The following SASH1 variants were observed in gnomAD, a reference collection of about 807,000 sequenced individuals.
SASH1 encodes SAM and SH3 domain-containing protein 1.
Under a neutral mutation model 125.2 loss-of-function variants are expected in SASH1, and 44 were observed. The observed-to-expected ratio is 0.35, with a 90% CI of 0.28 to 0.45. SASH1 has a LOEUF of 0.45. SASH1 is among the 20% of genes least tolerant of loss of function. The pLI is 1.00. For synonymous variants in SASH1, 639 were observed against 649.1 expected (o/e 0.98, Z 0.24); for missense variants, 1,426 against 1,614.5 (o/e 0.88, Z 2.00).
the SASH1 span, among the ~76,000 whole-genome samples, chr6:148,221,829 T>G: frequency 6.6e-6 from 1 of 152,220 alleles, no homozygotes; most frequent in Admixed American, 6.5e-5. Flanking sequence ...TTAAAACACT[T>G]CACAGTGACT....
intron 8 of SASH1, among the ~76,000 whole-genome samples, chr6:148,505,640 T>G (rs1263965345): frequency 6.7e-6 from 1 of 150,356 alleles, no homozygotes. Context: ...TGTTGTTTTT[T>G]TTTTTCTTTT....
At chr6:148,269,911 A>G (rs1268081537), upstream of SASH1, among the ~76,000 whole-genome samples, 4 of 152,238 alleles carry the variant, frequency 2.6e-5, no homozygotes, top group Non-Finnish European at 4.4e-5. Flanking sequence ...CTTTACTGGT[A>G]TTTGGCAGGT....
In SASH1 at chr6:148,390,254, C is replaced by G. The variant is rs1783645002; in HGVS notation, c.277C>G (p.Leu93Val). The G allele has an allele frequency of 2.5e-6, 4 of 1,611,082 alleles. No individual in the cohort carries two copies. In the African/African-American group the frequency reaches 5.3e-5, roughly 22 times the overall value. Reference protein sequence around the residue: ...ELRKRRVSQDLEVEKPDASPT... With the variant: ...ELRKRRVSQDVEVEKPDASPT... ...GCGGAAACGGCGGGTTTCCCAGGAC[C>G]TGGAAGTGGTGAGTGGGGGTCCTGG... The change falls in exon 2 of 20, where the codon CTG becomes GTG. Residue 93 changes from leucine (L) to valine (V), a missense_variant. By Grantham distance (32) the Leu-to-Val change is conservative. Transcript: ENST00000367467.
chr6:148,243,872 A>G, the SASH1 span, among the ~76,000 whole-genome samples: 1 of 152,102 alleles, frequency 6.6e-6, no homozygotes, highest in African/African-American at 2.4e-5. Flanking sequence ...CATTAAATCA[A>G]ATCTGATCCT....
intron 2 of SASH1, among the ~76,000 whole-genome samples, chr6:148,425,712 A>C (rs58100681): frequency 5.4e-3 from 66 of 12,140 alleles, no homozygotes; most frequent in East Asian, 8.9e-3. Context: ...CTCCCCTCCC[A>C]TCCCCCTCTC....
intron 1 of SASH1, among the ~76,000 whole-genome samples, chr6:148,389,511 A>G (rs1489432375): frequency 3.9e-5 from 6 of 152,252 alleles, no homozygotes; most frequent in African/African-American, 1.4e-4. Flanking sequence ...ATAATAATGA[A>G]TATTAATGAA....
At position 148,460,777 on chromosome 6, in the gene SASH1, G is replaced by A. The variant is rs542062794; in HGVS notation, c.387-7768G>A. ...TTGATGTCATGCTTAATCATTATGT[G>A]TGTTGTTTTTTGTAATTCTAAAAAA... On this transcript the variant is annotated intron_variant, in intron 4 of 19. Coordinates refer to ENST00000367467, the MANE Select transcript of SASH1 (RefSeq NM_015278.5). 2.0e-4 allele frequency among the ~76,000 whole-genome samples: 30 copies of A among 152,274 alleles called. No individual in the cohort carries two copies. The South Asian group carries it at 6.2e-3, about 32-fold the overall frequency.
intron 6 of SASH1, among the ~76,000 whole-genome samples, chr6:148,472,053 A>G (rs1778146431): frequency 6.6e-6 from 1 of 152,208 alleles, no homozygotes; most frequent in Admixed American, 6.5e-5. Flanking sequence ...TGTTGTTTAT[A>G]TAGTAAGTAA....
intron 2 of SASH1, among the ~76,000 whole-genome samples, chr6:148,428,521 CGGGAGGCTGA>C (rs1226836615): frequency 2.0e-5 from 3 of 147,910 alleles, no homozygotes; most frequent in African/African-American, 7.5e-5. Flanking sequence ...CCCAGCTACT[CGGGAGGCTGA>C]GGGAGGAGAA....
At chr6:148,221,762 A>C in the SASH1 span, among the ~76,000 whole-genome samples, 89 of 152,318 alleles carry the variant, frequency 5.8e-4, no homozygotes, top group East Asian at 0.017. Context: ...TTAGAATTTC[A>C]AAGGGCACTG....
At chr6:148,450,691 CTTTT>C (rs10594605) in intron 4 of SASH1, among the ~76,000 whole-genome samples, 3 of 145,066 alleles carry the variant, frequency 2.1e-5, no homozygotes, top group Non-Finnish European at 3.0e-5. Context: ...TATATGTTAT[CTTTT>C]TTTTTTTTTT....
chr6:148,445,048 A>T (rs563039900), intron 4 of SASH1, among the ~76,000 whole-genome samples: 1 of 152,236 alleles, frequency 6.6e-6, no homozygotes, highest in Admixed American at 6.5e-5. Context: ...TGCTGCTAGG[A>T]GTGTCTTTTG....
upstream of SASH1, among the ~76,000 whole-genome samples, chr6:148,272,147 G>C (rs1779076780): frequency 6.6e-6 from 1 of 152,142 alleles, no homozygotes; most frequent in South Asian, 2.1e-4. Flanking sequence ...CCCCAGTGAG[G>C]CCTCAGGAAG....
intron 2 of SASH1, among the ~76,000 whole-genome samples, chr6:148,403,807 C>T (rs1049383259): frequency 1.3e-5 from 2 of 152,230 alleles, no homozygotes; most frequent in African/African-American, 4.8e-5. Flanking sequence ...GCTGGGATTA[C>T]AGGCGTGAGC....
chr6:148,263,754 G>A, the SASH1 span, among the ~76,000 whole-genome samples: 9 of 152,274 alleles, frequency 5.9e-5, no homozygotes, highest in Non-Finnish European at 1.0e-4. Flanking sequence ...TTTTAGAGCT[G>A]TAAAATGTGT....
chr6:148,310,346 G>A (rs1399854251), intron 1 of SASH1, among the ~76,000 whole-genome samples: 2 of 148,306 alleles, frequency 1.3e-5, no homozygotes, highest in Non-Finnish European at 3.0e-5. Flanking sequence ...TTAGCCTCTA[G>A]AATCAAAAAA....
chr6:148,276,806 C>T (rs1779195431), intron 1 of SASH1, among the ~76,000 whole-genome samples: 1 of 152,080 alleles, frequency 6.6e-6, no homozygotes, highest in Non-Finnish European at 1.5e-5. Context: ...TCATGGTAGC[C>T]TGACACAGTG....
intron 4 of SASH1, among the ~76,000 whole-genome samples, chr6:148,444,299 G>A (rs902204165): frequency 2.0e-5 from 3 of 152,184 alleles, no homozygotes; most frequent in African/African-American, 7.2e-5. Flanking sequence ...GTAGTATTTA[G>A]CATTTAACAG....
chr6:148,433,557 C>T (rs1776154416), intron 2 of SASH1, among the ~76,000 whole-genome samples: 1 of 151,884 alleles, frequency 6.6e-6, no homozygotes, highest in Admixed American at 6.6e-5. Context: ...AGGTGTGTGC[C>T]TTCACACCTG....
Sources: gnomAD v4.1 joint callset for allele counts (sites outside exome capture counted in the v4.1 genomes callset) on GRCh38, gnomAD v4.1.1 for gene constraint, MANE v1.5 for transcripts, NCBI Gene and HGNC (gene_info 2026-07-23, HGNC 2026-07-21) for gene names.